The following MTUS2 variants were observed in gnomAD, a reference collection of about 807,000 sequenced individuals.
MTUS2 encodes the protein microtubule-associated tumor suppressor candidate 2.
MTUS2 carries 40 observed loss-of-function variants against 114.1 expected under a neutral mutation model. The ratio of observed to expected loss-of-function variants is 0.35; its 90% CI spans 0.27 to 0.46. The LOEUF is 0.46. MTUS2 is among the 20% of genes least tolerant of loss of function. The pLI, the probability that MTUS2 is intolerant of heterozygous loss-of-function variation, is 1.00. For synonymous variants in MTUS2, 688 were observed against 672.0 expected (o/e 1.02, Z -0.37); for missense variants, 1,679 against 1,705.4 (o/e 0.98, Z 0.27).
chr13:28,840,416 C>T (rs928609830), intron 2 of MTUS2, among the ~76,000 whole-genome samples: 6 of 152,322 alleles, frequency 3.9e-5, no homozygotes, highest in East Asian at 1.9e-4. Flanking sequence ...GCCCATATGA[C>T]GCTTTGTGCA....
chr13:29,389,955 G>T (rs576792387), intron 8 of MTUS2, among the ~76,000 whole-genome samples: 1 of 119,136 alleles, frequency 8.4e-6, no homozygotes, highest in African/African-American at 3.3e-5. Context: ...ATGTGTATGT[G>T]TATATATCTG....
chr13:29,504,675 A>G lies in MTUS2; in HGVS notation c.*1469A>G, dbSNP rs1883116998. On this transcript the variant is annotated 3_prime_UTR_variant, in exon 16 of 16. Coordinates refer to ENST00000612955, the MANE Select transcript of MTUS2 (RefSeq NM_001033602.4). ...TGGTGTGGAAGATTAGGAGCATGAT[A>G]CACAAAAGGAAGAAGTAGTTTTAAC... 4.3e-6 allele frequency: 1 copy of G among 233,150 alleles called. No homozygotes were observed. The highest frequency in any genetic ancestry group is 8.5e-6 in the Non-Finnish European group (1 of 118,040). The allele number at this position is 233,150 out of a possible 1,614,324, so 14.4% of individuals were successfully genotyped here.
At chr13:29,056,595 C>A (rs912478003) in intron 4 of MTUS2, among the ~76,000 whole-genome samples, 1 of 151,940 alleles carries the variant, frequency 6.6e-6, no homozygotes, top group African/African-American at 2.4e-5. Context: ...GGAATTTATC[C>A]ATTTCATCTA....
intron 7 of MTUS2, among the ~76,000 whole-genome samples, chr13:29,333,006 T>C (rs1900870585): frequency 6.6e-6 from 1 of 152,188 alleles, no homozygotes; most frequent in African/African-American, 2.4e-5. Flanking sequence ...TGTGGGCATT[T>C]AGTGCTATAA....
intron 8 of MTUS2, among the ~76,000 whole-genome samples, chr13:29,402,291 C>T (rs1313336296): frequency 6.6e-6 from 1 of 152,156 alleles, no homozygotes; most frequent in Non-Finnish European, 1.5e-5. Context: ...TACCAAATAG[C>T]ATGCTCTGTC....
intron 5 of MTUS2, among the ~76,000 whole-genome samples, chr13:29,213,452 A>G (rs1197731350): frequency 1.3e-5 from 2 of 152,220 alleles, no homozygotes; most frequent in African/African-American, 4.8e-5. Context: ...ACATCAGACT[A>G]TAATTGCAGA....
chr13:29,051,409 T>G (rs985710738), intron 4 of MTUS2, among the ~76,000 whole-genome samples: 3 of 152,172 alleles, frequency 2.0e-5, no homozygotes, highest in African/African-American at 7.2e-5. Context: ...CTTTTGGGAA[T>G]TCTTGTGGAG....
chr13:29,468,161 A>C (rs1880020850), intron 9 of MTUS2, among the ~76,000 whole-genome samples: 1 of 152,122 alleles, frequency 6.6e-6, no homozygotes, highest in Admixed American at 6.5e-5. Context: ...TAAAATGGCC[A>C]AGTATTTATT....
chr13:29,218,540 T>C (rs1181217430), intron 5 of MTUS2, among the ~76,000 whole-genome samples: 1 of 152,256 alleles, frequency 6.6e-6, no homozygotes, highest in Non-Finnish European at 1.5e-5. Flanking sequence ...ATTAAGGGAA[T>C]CATTGTCTAT....
intron 5 of MTUS2, among the ~76,000 whole-genome samples, chr13:29,198,185 G>T (rs1230274756): frequency 6.6e-6 from 1 of 152,112 alleles, no homozygotes; most frequent in Non-Finnish European, 1.5e-5. Context: ...TTTCTTCTAG[G>T]TTCTTTTATG....
At chr13:28,935,029 T>A (rs1162011539) in intron 2 of MTUS2, among the ~76,000 whole-genome samples, 1 of 148,032 alleles carries the variant, frequency 6.8e-6, no homozygotes, top group African/African-American at 2.6e-5. Context: ...TTTTTTTTTT[T>A]TTTTGCCCAT....
At position 29,445,908 on chromosome 13, in the gene MTUS2, C is replaced by CA. The variant is rs904974438; in HGVS notation, c.3184+5871dup. 5.3e-3 allele frequency among the ~76,000 whole-genome samples: 733 copies of CA among 137,962 alleles called. 2 individuals are homozygous for CA. The highest frequency in any genetic ancestry group is 7.2e-3 in the East Asian group (35 of 4,840). The allele number at this position is 137,962 out of a possible 152,430, so 90.5% of individuals were successfully genotyped here. A position where few individuals can be genotyped will look rare whatever the true frequency, so the allele number is the denominator to read the frequency against. ...GAGTGACGGAGCAAGACTCTGTCTCCAAAAAAAAAAAAGAGAGAGTTTATA... is the reference window on the plus strand; with the variant it reads ...GAGTGACGGAGCAAGACTCTGTCTCCAAAAAAAAAAAAAGAGAGAGTTTATA... On this transcript the variant is annotated intron_variant, in intron 9 of 15. Transcript: ENST00000612955.
chr13:29,024,591 G>C lies in MTUS2; in HGVS notation c.-108G>C. ...AGTGTCGCAAGGTGACATTGTCAGG[G>C]GAGAACAAGCAGCTTGAGAATTTCC... On this transcript the variant is annotated 5_prime_UTR_variant, in exon 3 of 16. Transcript: ENST00000612955. The C allele has an allele frequency of 2.2e-6, 3 of 1,354,382 alleles. No individual in the cohort carries two copies. The highest frequency in any genetic ancestry group is 2.0e-6 in the Non-Finnish European group (2 of 981,914). 83.9% of individuals were successfully genotyped at this position (1,354,382 alleles called of 1,614,324 possible). A position where few individuals can be genotyped will look rare whatever the true frequency, so the allele number is the denominator to read the frequency against.
chr13:28,965,582 T>C (rs751056397), intron 2 of MTUS2, among the ~76,000 whole-genome samples: 7 of 152,186 alleles, frequency 4.6e-5, no homozygotes, highest in Non-Finnish European at 8.8e-5. Flanking sequence ...TATATATGTA[T>C]ATATGCATAA....
intron 2 of MTUS2, among the ~76,000 whole-genome samples, chr13:28,940,777 C>G (rs1175642685): frequency 6.6e-6 from 1 of 152,036 alleles, no homozygotes; most frequent in Admixed American, 6.6e-5. Flanking sequence ...AATTAGAAAA[C>G]TACGCCAAAC....
chr13:29,422,648 C>CTTTTTTTT (rs11342823), intron 8 of MTUS2, among the ~76,000 whole-genome samples: 32 of 67,966 alleles, frequency 4.7e-4, no homozygotes, highest in African/African-American at 7.5e-4. Context: ...GATTTCTTTT[C>CTTTTTTTT]TTTTTTTTTT....
At position 29,006,543 on chromosome 13, in the gene MTUS2, G is replaced by A. The variant is rs371711125; in HGVS notation, c.-242-17914G>A. Among the ~76,000 whole-genome samples, 32 of 152,236 alleles carry A rather than the reference G, an allele frequency of 2.1e-4. 1 individual carries two copies. The highest frequency in any genetic ancestry group is 1.5e-3 in the East Asian group (8 of 5,170). ...GATGAGATTAGTGAGTTACCACATAGCCACAGGATGACAGAACCATGATCC... is the reference window on the plus strand; with the variant it reads ...GATGAGATTAGTGAGTTACCACATAACCACAGGATGACAGAACCATGATCC... On this transcript the variant is annotated intron_variant, in intron 2 of 15. Coordinates refer to ENST00000612955, the MANE Select transcript of MTUS2 (RefSeq NM_001033602.4).
At position 29,038,577 on chromosome 13, in the gene MTUS2, A is replaced by C. The variant is rs550929203; in HGVS notation, c.2446+4452A>C. Among the ~76,000 whole-genome samples, 44 of 152,328 alleles carry C rather than the reference A, an allele frequency of 2.9e-4. No individual in the cohort carries two copies. The South Asian group carries it at 9.1e-3, about 32-fold the overall frequency. ...AGCAGAGCTCCAGCGCTGTGCTGGG[A>C]GATCCACTGCTCTCTTCAGAGCCGA... On this transcript the variant is annotated intron_variant, in intron 4 of 15. Transcript: ENST00000612955.
At chr13:28,820,277 T>G (rs953142429), upstream of MTUS2, 5 of 146,436 alleles carry the variant, frequency 3.4e-5, no homozygotes, top group Non-Finnish European at 6.1e-5. Context: ...GGGCGGTGCC[T>G]GCGCCGAGGT....
Sources: allele counts gnomAD v4.1 joint callset (sites outside exome capture counted in the v4.1 genomes callset), GRCh38; gene constraint gnomAD v4.1.1; transcripts MANE v1.5; gene names NCBI Gene and HGNC (gene_info 2026-07-23, HGNC 2026-07-21).